The following DOCK2 variants were observed in gnomAD, a reference collection of about 807,000 sequenced individuals.
DOCK2 encodes the protein dedicator of cytokinesis protein 2.
A neutral mutation model predicts 248.9 loss-of-function variants in DOCK2; 87 were observed. That is an observed-to-expected ratio of 0.35 (90% CI 0.29 to 0.42). The LOEUF (loss-of-function observed/expected upper bound fraction) is 0.42, where lower values mean the gene tolerates loss of function less well. Ranked by LOEUF, DOCK2 falls within the 10% of genes least tolerant of loss-of-function variation. The pLI is 1.00. For synonymous variants in DOCK2, 805 were observed against 821.6 expected, an observed-to-expected ratio of 0.98 and a Z score of 0.35; for missense variants, 1,747 against 2,300.2, an observed-to-expected ratio of 0.76 and a Z score of 4.92.
intron 50 of DOCK2, chr5:170,081,532 C>G (rs981177738): frequency 4.1e-5 from 14 of 338,008 alleles, no homozygotes; most frequent in Middle Eastern, 8.3e-4. Context: ...GAAGAGTAAG[C>G]TCACACTGTC....
At chr5:169,970,401 C>T (rs1777459007) in intron 27 of DOCK2, among the ~76,000 whole-genome samples, 1 of 152,212 alleles carries the variant, frequency 6.6e-6, no homozygotes, top group South Asian at 2.1e-4. Context: ...GGACAGCCCC[C>T]TGGCTGAAAT....
chr5:169,677,254 C>G (rs1759384557), intron 6 of DOCK2, among the ~76,000 whole-genome samples: 1 of 152,230 alleles, frequency 6.6e-6, no homozygotes, highest in African/African-American at 2.4e-5. Context: ...TAGGAGCTAT[C>G]AGGCAAATTA....
chr5:169,816,004 CA>C (rs1768051601), intron 26 of DOCK2, among the ~76,000 whole-genome samples: 3 of 152,156 alleles, frequency 2.0e-5, no homozygotes, highest in Admixed American at 2.0e-4. Flanking sequence ...ACTTGGTTTC[CA>C]AAAAGCATTT....
At chr5:169,643,000 A>T (rs1757232403) in intron 1 of DOCK2, among the ~76,000 whole-genome samples, 1 of 151,882 alleles carries the variant, frequency 6.6e-6, no homozygotes, top group African/African-American at 2.4e-5. Flanking sequence ...GCTCTGCAGC[A>T]TATGTTCTGC....
At chr5:169,712,062 G>A (rs1370238585) in intron 16 of DOCK2, 55 bp downstream of exon 16, 1 of 1,613,854 alleles carries the variant, frequency 6.2e-7, no homozygotes, top group Non-Finnish European at 8.5e-7. Context: ...GAGAAGAATG[G>A]AAGAGCTGGG....
At chr5:169,851,490 A>G (rs576125944) in intron 27 of DOCK2, among the ~76,000 whole-genome samples, 1 of 152,286 alleles carries the variant, frequency 6.6e-6, no homozygotes, top group East Asian at 1.9e-4. Flanking sequence ...AATGGAGCAG[A>G]CCTTTGCTAT....
In DOCK2 at chr5:169,959,499, A is replaced by G. The variant is rs184511257; in HGVS notation, c.2800-23569A>G. 4.6e-5 allele frequency among the ~76,000 whole-genome samples: 7 copies of G among 152,358 alleles called. No individual in the cohort carries two copies. The East Asian group carries it at 1.3e-3, about 29-fold the overall frequency. ...AGAAGTTTATGGTTCAACATAAGGA[A>G]GAACTTTCTAACAATTCTAATAGTC... On this transcript the variant is annotated intron_variant, in intron 27 of 51. Coordinates refer to ENST00000520908, the MANE Select transcript of DOCK2 (RefSeq NM_004946.3).
At chr5:169,728,633 C>T (rs2113612882) in intron 22 of DOCK2, among the ~76,000 whole-genome samples, 1 of 152,290 alleles carries the variant, frequency 6.6e-6, no homozygotes. Flanking sequence ...CCAACCCTTT[C>T]CCAGAGCTTA....
chr5:169,875,317 G>T (rs1418998397), intron 27 of DOCK2: 1 of 456,680 alleles, frequency 2.2e-6, no homozygotes, highest in Admixed American at 2.3e-5. Flanking sequence ...AGTTTCCATA[G>T]ACACCCAGGA....
intron 27 of DOCK2, among the ~76,000 whole-genome samples, chr5:169,859,024 T>TA (rs971263196): frequency 6.6e-6 from 1 of 151,984 alleles, no homozygotes; most frequent in African/African-American, 2.4e-5. Flanking sequence ...AAAATATATT[T>TA]AAAAAATAAG....
chr5:169,994,667 CAAAG>C (rs1394218186), intron 29 of DOCK2, among the ~76,000 whole-genome samples: 2 of 152,066 alleles, frequency 1.3e-5, no homozygotes, highest in Admixed American at 6.6e-5. Flanking sequence ...ACATTCTACA[CAAAG>C]AAAGAACATA....
intron 47 of DOCK2, 30 bp downstream of exon 47, chr5:170,076,114 TG>T: frequency 7.2e-7 from 1 of 1,382,546 alleles, no homozygotes; most frequent in Non-Finnish European, 1.0e-6. Flanking sequence ...CTTGGAGGGG[TG>T]GGATTGTGCA....
chr5:169,794,129 G>C (rs1023722007), intron 25 of DOCK2, among the ~76,000 whole-genome samples: 3 of 152,028 alleles, frequency 2.0e-5, no homozygotes, highest in African/African-American at 7.2e-5. Context: ...ACTTTTCCCG[G>C]GAACTGGAAC....
intron 30 of DOCK2, among the ~76,000 whole-genome samples, chr5:170,002,319 C>CA (rs1242015142): frequency 1.3e-5 from 2 of 150,494 alleles, no homozygotes; most frequent in African/African-American, 4.9e-5. Context: ...TCATAGAATA[C>CA]AATGTAGCAA....
chr5:169,841,755 T>C (rs1343903831), intron 27 of DOCK2, among the ~76,000 whole-genome samples: 1 of 152,236 alleles, frequency 6.6e-6, no homozygotes, highest in Non-Finnish European at 1.5e-5. Flanking sequence ...AAGTCATACC[T>C]TACTTCTTTA....
intron 27 of DOCK2, chr5:169,883,741 T>G: frequency 6.4e-7 from 1 of 1,551,620 alleles, no homozygotes; most frequent in Non-Finnish European, 8.7e-7. Flanking sequence ...GACGTCAACC[T>G]CAGCTAGGCC....
chr5:170,050,145 G>A, intron 40 of DOCK2, 111 bp from the exon 41 acceptor site: 2 of 1,376,078 alleles, frequency 1.5e-6, no homozygotes, highest in East Asian at 2.3e-5. Context: ...GGAGAGTGAT[G>A]CACTGGACAT....
At chr5:169,958,235 A>G (rs1485354501) in intron 27 of DOCK2, among the ~76,000 whole-genome samples, 3 of 152,178 alleles carry the variant, frequency 2.0e-5, no homozygotes, top group African/African-American at 7.2e-5. Flanking sequence ...TTGCAAAAAA[A>G]AAAGGCACCT....
intron 26 of DOCK2, among the ~76,000 whole-genome samples, chr5:169,804,381 T>A (rs2113138681): frequency 1.3e-5 from 2 of 151,776 alleles, no homozygotes; most frequent in Middle Eastern, 3.4e-3. Context: ...AGAAAACCTA[T>A]CCCCAATATA....
Sources: gnomAD v4.1 joint callset for allele counts (sites outside exome capture counted in the v4.1 genomes callset) on GRCh38, gnomAD v4.1.1 for gene constraint, MANE v1.5 for transcripts, NCBI Gene and HGNC (gene_info 2026-07-23, HGNC 2026-07-21) for gene names.